Variants in CHEK2 observed in about 807,000 individuals in gnomAD.
CHEK2 encodes checkpoint kinase 2.
CHEK2 carries 71 observed loss-of-function variants against 69.1 expected under a neutral mutation model. The observed-to-expected ratio is 1.03, with a 90% CI of 0.85 to 1.25. The LOEUF is 1.25. CHEK2 is among the 50% of genes most tolerant of loss of function. The probability of loss-of-function intolerance (pLI) is 0.00; values close to 1 mark genes in which losing one functional copy is unlikely to be tolerated. For missense variants in CHEK2, 664 were observed against 649.6 expected (o/e 1.02, Z -0.24); for synonymous variants, 189 against 226.9 (o/e 0.83, Z 1.50).
chr22:28,721,124 A>G lies in CHEK2; in HGVS notation c.593-1639T>C, dbSNP rs533675918. ...GCCTAATAAAATATCTATAGGCCAA[A>G]TGCAGCCTGCAGAGGACCAGTCTGA... is the stretch of plus-strand genomic sequence containing the variant. On this transcript the variant is annotated intron_variant, in intron 4 of 14. Coordinates refer to ENST00000404276, the MANE Select transcript of CHEK2 (RefSeq NM_007194.4). 2.0e-4 allele frequency among the ~76,000 whole-genome samples: 31 copies of G among 152,340 alleles called. No homozygotes were observed. The South Asian group carries it at 2.3e-3, about 11-fold the overall frequency.
At chr22:28,704,828 T>A (rs2053045879) in intron 7 of CHEK2, among the ~76,000 whole-genome samples, 2 of 152,202 alleles carry the variant, frequency 1.3e-5, no homozygotes, top group South Asian at 4.1e-4. Context: ...CTTGCCAGAT[T>A]GATCTTCCCA....
At position 28,696,971 on chromosome 22, in the gene CHEK2, C is replaced by A. The variant is rs1555914358; in HGVS notation, c.1025G>T (p.Gly342Val). 1 of 1,612,138 alleles carries A rather than the reference C, an allele frequency of 6.2e-7. No homozygotes were observed. Among genetic ancestry groups the A allele is most frequent in the South Asian group, 1.1e-5 (1 of 91,018 alleles). Residue 342 changes from glycine (G) to valine (V), a missense_variant, in exon 10 of 15, where the codon GGT (glycine) becomes GTT (valine). By Grantham distance (109) the Gly-to-Val change is moderately radical (BLOSUM62 -3). Coordinates refer to ENST00000404276, the MANE Select transcript of CHEK2 (RefSeq NM_007194.4). Reference sequence around the variant, plus strand: ...TGGCTTTAAGTCACGGTGTATAATACCGTTTTCATGAAGGTACTACACAGA... The same window carrying A: ...TGGCTTTAAGTCACGGTGTATAATAACGTTTTCATGAAGGTACTACACAGA... ...LLAVQYLHEN[G>V]IIHRDLKPEN...
At chr22:28,713,666 G>GT (rs900115036) in intron 5 of CHEK2, among the ~76,000 whole-genome samples, 4 of 147,614 alleles carry the variant, frequency 2.7e-5, no homozygotes, top group African/African-American at 5.0e-5. Flanking sequence ...ACATGTACAA[G>GT]TTTTTGTCTG....
intron 5 of CHEK2, among the ~76,000 whole-genome samples, chr22:28,717,121 A>C (rs1189622702): frequency 1.3e-5 from 2 of 152,152 alleles, no homozygotes; most frequent in Admixed American, 6.6e-5. Flanking sequence ...GCTCATGCCT[A>C]TAATCCCAGC....
chr22:28,717,641 G>A (rs757790073), intron 5 of CHEK2, among the ~76,000 whole-genome samples: 49 of 152,150 alleles, frequency 3.2e-4, no homozygotes, highest in South Asian at 1.2e-3. Flanking sequence ...CTGGGAGGCC[G>A]AGGCAGGCAG....
intron 12 of CHEK2, 100 bp from the exon 13 acceptor site, chr22:28,694,217 G>C: frequency 1.2e-6 from 1 of 820,416 alleles, no homozygotes; most frequent in Non-Finnish European, 2.1e-6. Context: ...GAGCAGAGAG[G>C]GTCTGAGATC....
intron 5 of CHEK2, among the ~76,000 whole-genome samples, chr22:28,718,675 A>T (rs974854123): frequency 6.6e-6 from 1 of 152,006 alleles, no homozygotes; most frequent in Non-Finnish European, 1.5e-5. Context: ...TGAGCTTAGG[A>T]GTTCAAGACC....
At chr22:28,695,537 G>A (rs1461317986) in intron 11 of CHEK2, among the ~76,000 whole-genome samples, 173 bp downstream of exon 11, 1 of 152,072 alleles carries the variant, frequency 6.6e-6, no homozygotes. Flanking sequence ...TGCATCTGTA[G>A]TCCCAGCTAC....
intron 2 of CHEK2, among the ~76,000 whole-genome samples, chr22:28,730,948 A>G (rs1045833712): frequency 6.6e-6 from 1 of 152,332 alleles, no homozygotes; most frequent in Non-Finnish European, 1.5e-5. Context: ...TTATGCCTGT[A>G]ATCCTAACAC....
intron 4 of CHEK2, among the ~76,000 whole-genome samples, chr22:28,722,332 A>C (rs561588412): frequency 3.3e-5 from 5 of 151,782 alleles, no homozygotes; most frequent in Non-Finnish European, 5.9e-5. Flanking sequence ...CGAGGTCAGG[A>C]GATGGAGACC....
chr22:28,733,003 G>A lies in CHEK2; in HGVS notation c.319+1400C>T, dbSNP rs187139495. ...GACAGGGTTTTGCCATGTTGCCCAA[G>A]CTGGTTTCGAACTCCTGGCCTCAAG... On this transcript the variant is annotated intron_variant, in intron 2 of 14. Coordinates refer to ENST00000404276, the MANE Select transcript of CHEK2 (RefSeq NM_007194.4). Among the ~76,000 whole-genome samples, 40 of 152,194 alleles carry A rather than the reference G, an allele frequency of 2.6e-4. No homozygotes were observed. In the East Asian group the frequency reaches 7.2e-3, roughly 27 times the overall value.
intron 10 of CHEK2, 35 bp downstream of exon 10, chr22:28,696,866 C>G (rs781640725): frequency 7.4e-7 from 1 of 1,354,928 alleles, no homozygotes; most frequent in Admixed American, 1.7e-5. Flanking sequence ...CAAGAATCTA[C>G]AGGAATAGCC....
At chr22:28,716,896 T>G (rs2053606695) in intron 5 of CHEK2, among the ~76,000 whole-genome samples, 2 of 152,118 alleles carry the variant, frequency 1.3e-5, no homozygotes, top group South Asian at 4.1e-4. Flanking sequence ...TGTTTTCCAT[T>G]CTCATTAGCT....
intron 9 of CHEK2, among the ~76,000 whole-genome samples, chr22:28,699,215 CTGGTCTTAAACTCT>C (rs1196335431): frequency 2.6e-5 from 4 of 152,098 alleles, no homozygotes; most frequent in African/African-American, 9.7e-5. Flanking sequence ...ATTGCCCAGG[CTGGTCTTAAACTCT>C]TGGGCTCAAG....
intron 13 of CHEK2, 27 bp downstream of exon 13, chr22:28,694,005 T>G (rs780697335): frequency 3.5e-6 from 5 of 1,447,318 alleles, no homozygotes; most frequent in Non-Finnish European, 2.9e-6. Flanking sequence ...ATGTATTTTA[T>G]GCTAGCAGGC....
chr22:28,732,981 A>C (rs1200793820), intron 2 of CHEK2, among the ~76,000 whole-genome samples: 1 of 152,082 alleles, frequency 6.6e-6, no homozygotes, highest in African/African-American at 2.4e-5. Context: ...CAGGAGAGAC[A>C]GGGTTTTGCC....
At chr22:28,718,919 C>CACAA (rs2053673006) in intron 5 of CHEK2, among the ~76,000 whole-genome samples, 1 of 133,670 alleles carries the variant, frequency 7.5e-6, no homozygotes, top group Non-Finnish European at 1.6e-5. Context: ...CACACACACA[C>CACAA]ACAGGAAATA....
chr22:28,715,201 A>T (rs2053547510), intron 5 of CHEK2, among the ~76,000 whole-genome samples: 2 of 152,120 alleles, frequency 1.3e-5, no homozygotes, highest in African/African-American at 4.8e-5. Context: ...CATTTTTCCT[A>T]CCACATAGAG....
intron 1 of CHEK2, among the ~76,000 whole-genome samples, chr22:28,735,740 G>A (rs763767015): frequency 2.0e-5 from 3 of 151,834 alleles, no homozygotes; most frequent in Non-Finnish European, 4.4e-5. Context: ...AAATTAGCCG[G>A]GTGTGGTGGC....
Sources: gnomAD v4.1 joint callset for allele counts (sites outside exome capture counted in the v4.1 genomes callset) on GRCh38, gnomAD v4.1.1 for gene constraint, MANE v1.5 for transcripts, NCBI Gene and HGNC (gene_info 2026-07-23, HGNC 2026-07-21) for gene names.